GRID2: variants seen among roughly 807,000 people sequenced by gnomAD.
GRID2 encodes glutamate ionotropic receptor delta type subunit 2.
Under a neutral mutation model 114.8 loss-of-function variants are expected in GRID2, and 33 were observed. The observed-to-expected ratio is 0.29, with a 90% CI of 0.22 to 0.38. The LOEUF (loss-of-function observed/expected upper bound fraction) is 0.38. Ranked by LOEUF, GRID2 falls within the 10% of genes least tolerant of loss-of-function variation. The pLI, the probability that GRID2 is intolerant of heterozygous loss-of-function variation, is 1.00. For missense variants in GRID2, 1,184 were observed against 1,257.7 expected (o/e 0.94, Z 0.89); for synonymous variants, 505 against 449.9 (o/e 1.12, Z -1.55).
chr4:92,958,621 T>G (rs1752588610), intron 2 of GRID2, among the ~76,000 whole-genome samples: 1 of 152,112 alleles, frequency 6.6e-6, no homozygotes, highest in Non-Finnish European at 1.5e-5. Context: ...TATATTGGTG[T>G]GTAGTTTCCT....
At chr4:93,585,373 G>T (rs555632794) in intron 13 of GRID2, among the ~76,000 whole-genome samples, 2 of 152,112 alleles carry the variant, frequency 1.3e-5, no homozygotes, top group Non-Finnish European at 2.9e-5. Flanking sequence ...TTTGCAGTTA[G>T]AATTGTGTAC....
intron 11 of GRID2, among the ~76,000 whole-genome samples, chr4:93,485,599 T>C (rs1437934402): frequency 1.3e-5 from 2 of 151,752 alleles, no homozygotes; most frequent in Admixed American, 6.6e-5. Flanking sequence ...CATACATATA[T>C]CTAATTAACC....
At chr4:93,433,968 G>C (rs867390437) in intron 10 of GRID2, among the ~76,000 whole-genome samples, 6 of 152,072 alleles carry the variant, frequency 3.9e-5, no homozygotes, top group African/African-American at 1.4e-4. Flanking sequence ...ATCCTTCCAT[G>C]ATTCTCTCAT....
chr4:92,677,156 C>T (rs1268789366), intron 2 of GRID2, among the ~76,000 whole-genome samples: 1 of 151,852 alleles, frequency 6.6e-6, no homozygotes, highest in Non-Finnish European at 1.5e-5. Context: ...TGTACAGTTT[C>T]AGTAGGGGAA....
At chr4:92,690,937 A>G (rs1734152220) in intron 2 of GRID2, among the ~76,000 whole-genome samples, 1 of 152,118 alleles carries the variant, frequency 6.6e-6, no homozygotes, top group African/African-American at 2.4e-5. Context: ...GGAAACAAAA[A>G]TAGTTGGAAG....
At chr4:92,574,193 T>C (rs1208667640) in intron 1 of GRID2, among the ~76,000 whole-genome samples, 1 of 152,126 alleles carries the variant, frequency 6.6e-6, no homozygotes, top group Non-Finnish European at 1.5e-5. Flanking sequence ...TGTCTTTGTA[T>C]GTGAGACGAG....
intron 2 of GRID2, among the ~76,000 whole-genome samples, chr4:92,728,305 A>G (rs1736158958): frequency 6.6e-6 from 1 of 152,076 alleles, no homozygotes; most frequent in African/African-American, 2.4e-5. Context: ...ATTATATCAC[A>G]ATTGCTGTGG....
chr4:93,798,560 G>T (rs1734854065), intron 1 of GRID2, among the ~76,000 whole-genome samples: 1 of 152,122 alleles, frequency 6.6e-6, no homozygotes, highest in African/African-American at 2.4e-5. Context: ...AAGTGAGTAG[G>T]GCATGCATTT....
chr4:92,984,037 A>C (rs1439183580), intron 2 of GRID2, among the ~76,000 whole-genome samples: 1 of 152,202 alleles, frequency 6.6e-6, no homozygotes, highest in African/African-American at 2.4e-5. Context: ...TGATTGATAA[A>C]ATAAGAAACT....
intron 12 of GRID2, among the ~76,000 whole-genome samples, chr4:93,507,169 T>A (rs1728715110): frequency 6.6e-6 from 1 of 152,182 alleles, no homozygotes; most frequent in Admixed American, 6.6e-5. Context: ...GAGCTCTTAA[T>A]TATGGACCAA....
intron 8 of GRID2, among the ~76,000 whole-genome samples, chr4:93,288,150 T>C (rs1049578151): frequency 6.6e-5 from 10 of 152,222 alleles, no homozygotes; most frequent in African/African-American, 2.4e-4. Context: ...TATCCTTAAA[T>C]GATGTTAAAT....
chr4:93,438,277 A>AG (rs1721296999), intron 10 of GRID2, among the ~76,000 whole-genome samples: 1 of 152,152 alleles, frequency 6.6e-6, no homozygotes, highest in Admixed American at 6.6e-5. Flanking sequence ...TAATACATAC[A>AG]GGGTGCCATG....
intron 1 of GRID2, among the ~76,000 whole-genome samples, chr4:92,583,678 CAT>C (rs1728284137): frequency 1.4e-5 from 2 of 146,568 alleles, no homozygotes; most frequent in South Asian, 2.2e-4. Context: ...TATACACACA[CAT>C]ACACATATAT....
chr4:93,726,679 TCTC>T (rs1729934796), intron 14 of GRID2, among the ~76,000 whole-genome samples: 2 of 152,134 alleles, frequency 1.3e-5, no homozygotes, highest in South Asian at 2.1e-4. Flanking sequence ...GGTTTGTAGT[TCTC>T]CTTGAAGAGG....
intron 8 of GRID2, among the ~76,000 whole-genome samples, chr4:93,254,218 C>A (rs143028508): frequency 6.4e-4 from 97 of 152,072 alleles, no homozygotes; most frequent in African/African-American, 2.1e-3. Context: ...AATAAATACA[C>A]TTTTCAGGGT....
intron 2 of GRID2, among the ~76,000 whole-genome samples, chr4:92,734,348 T>C (rs1036649028): frequency 3.3e-5 from 5 of 152,064 alleles, no homozygotes; most frequent in Non-Finnish European, 5.9e-5. Flanking sequence ...TGAAGTGCAG[T>C]GTTGCTCACT....
At chr4:92,781,933 T>G (rs902861713) in intron 2 of GRID2, among the ~76,000 whole-genome samples, 4 of 152,100 alleles carry the variant, frequency 2.6e-5, no homozygotes, top group African/African-American at 9.7e-5. Flanking sequence ...TACACTGTAT[T>G]GATATTGTCT....
chr4:92,943,972 T>C (rs576597926), intron 2 of GRID2, among the ~76,000 whole-genome samples: 6 of 152,310 alleles, frequency 3.9e-5, no homozygotes, highest in Non-Finnish European at 5.9e-5. Flanking sequence ...TACCAGGCCA[T>C]GTGAGGTATC....
At chr4:93,652,451 A>G (rs1722660715) in intron 14 of GRID2, among the ~76,000 whole-genome samples, 1 of 152,114 alleles carries the variant, frequency 6.6e-6, no homozygotes, top group African/African-American at 2.4e-5. Flanking sequence ...TAACTTTTCT[A>G]TGTTTAGACA....
Sources: allele counts gnomAD v4.1 joint callset (sites outside exome capture counted in the v4.1 genomes callset), GRCh38; gene constraint gnomAD v4.1.1; transcripts MANE v1.5; gene names NCBI Gene and HGNC (gene_info 2026-07-23, HGNC 2026-07-21).